Variants in SMYD3 observed in about 807,000 individuals in gnomAD.
SMYD3 encodes histone-lysine N-methyltransferase SMYD3.
In SMYD3, 36 loss-of-function variants were observed where a neutral mutation model predicts 57.7. The observed-to-expected ratio is 0.62, with a 90% confidence interval of 0.48 to 0.82. SMYD3 has a LOEUF of 0.82. Among genes scored for constraint, SMYD3 ranks in the 40% least tolerant of loss-of-function variants. The pLI is 0.00. For missense variants in SMYD3, 515 were observed against 538.8 expected, an observed-to-expected ratio of 0.96 and a Z score of 0.44; for synonymous variants, 211 against 195.0, an observed-to-expected ratio of 1.08 and a Z score of -0.68.
chr1:246,391,361 C>A (rs2066562840), intron 1 of SMYD3, among the ~76,000 whole-genome samples: 1 of 144,000 alleles, frequency 6.9e-6, no homozygotes, highest in Non-Finnish European at 1.5e-5. Flanking sequence ...GCCTGAGAAA[C>A]AAAGCGAGAC....
chr1:245,836,716 G>T (rs993913733), intron 10 of SMYD3, among the ~76,000 whole-genome samples: 1 of 152,154 alleles, frequency 6.6e-6, no homozygotes, highest in African/African-American at 2.4e-5. Context: ...TGGCAGCAGG[G>T]GACTGGTCCT....
rs1347708153 is a variant in SMYD3 at position 246,188,688 on chromosome 1, T to C, written c.531+138513A>G. ...TCTTTAAGAGGTCTGGGGCCAGGCG[T>C]GGTGGCTCATGCCTGTAATCCCAAC... is the stretch of plus-strand genomic sequence containing the variant. On this transcript the variant is annotated intron_variant, in intron 5 of 11. Transcript: ENST00000490107. Among the ~76,000 whole-genome samples the C allele has an allele frequency of 1.2e-4, 19 of 152,036 alleles. No homozygotes were observed. The South Asian group carries it at 3.4e-3, about 27-fold the overall frequency.
chr1:246,342,055 G>T (rs933731559), intron 2 of SMYD3, among the ~76,000 whole-genome samples: 1 of 152,130 alleles, frequency 6.6e-6, no homozygotes, highest in African/African-American at 2.4e-5. Context: ...GTCAAAATAG[G>T]TTTGAAACCT....
intron 10 of SMYD3, among the ~76,000 whole-genome samples, chr1:245,824,002 G>T (rs901092564): frequency 2.0e-5 from 3 of 152,196 alleles, no homozygotes; most frequent in Non-Finnish European, 4.4e-5. Context: ...GGACTCTTAA[G>T]GACCCAAAGG....
At chr1:245,891,601 C>T (rs1040493737) in intron 8 of SMYD3, among the ~76,000 whole-genome samples, 8 of 152,296 alleles carry the variant, frequency 5.3e-5, no homozygotes, top group Non-Finnish European at 8.8e-5. Flanking sequence ...ACAGCAATGT[C>T]GGGAACTGTA....
chr1:245,884,730 CCAATCA>C (rs2052984821), intron 8 of SMYD3, among the ~76,000 whole-genome samples: 2 of 151,446 alleles, frequency 1.3e-5, no homozygotes, highest in South Asian at 4.2e-4. Flanking sequence ...TGTAAATGCA[CCAATCA>C]GCACTCTGTA....
At chr1:245,875,116 C>T (rs1325846994) in intron 8 of SMYD3, among the ~76,000 whole-genome samples, 1 of 152,208 alleles carries the variant, frequency 6.6e-6, no homozygotes, top group African/African-American at 2.4e-5. Flanking sequence ...ATTTTTGATT[C>T]CAGTAAACTC....
At chr1:245,884,226 T>G (rs540779947) in intron 8 of SMYD3, among the ~76,000 whole-genome samples, 1 of 152,182 alleles carries the variant, frequency 6.6e-6, no homozygotes, top group Non-Finnish European at 1.5e-5. Context: ...CTGAAAACTA[T>G]AGGTCTCCCT....
intron 1 of SMYD3, among the ~76,000 whole-genome samples, chr1:246,498,346 C>T (rs921339210): frequency 1.3e-5 from 2 of 152,136 alleles, no homozygotes; most frequent in African/African-American, 2.4e-5. Flanking sequence ...GGAGCTATAA[C>T]GAATAAGGAA....
chr1:245,787,972 G>A (rs1187366726), intron 10 of SMYD3, among the ~76,000 whole-genome samples: 1 of 152,200 alleles, frequency 6.6e-6, no homozygotes, highest in African/African-American at 2.4e-5. Flanking sequence ...AAATCACTTA[G>A]TCCTGGGAAG....
intron 5 of SMYD3, among the ~76,000 whole-genome samples, chr1:246,249,901 T>A (rs913267813): frequency 1.3e-5 from 2 of 152,252 alleles, no homozygotes; most frequent in African/African-American, 4.8e-5. Flanking sequence ...TTTATCTCTT[T>A]TCTTCTAAGA....
intron 5 of SMYD3, among the ~76,000 whole-genome samples, chr1:245,960,189 C>T (rs947358912): frequency 7.2e-5 from 11 of 152,180 alleles, no homozygotes; most frequent in African/African-American, 2.7e-4. Flanking sequence ...ACTTAGAATT[C>T]ACTGAGTTAA....
At chr1:245,881,495 G>C (rs1393869198) in intron 8 of SMYD3, among the ~76,000 whole-genome samples, 1 of 152,136 alleles carries the variant, frequency 6.6e-6, no homozygotes, top group Non-Finnish European at 1.5e-5. Context: ...TCAGGTAATA[G>C]AGATTTTTGG....
chr1:246,444,838 T>C (rs994447088), intron 1 of SMYD3, among the ~76,000 whole-genome samples: 13 of 152,094 alleles, frequency 8.5e-5, no homozygotes, highest in African/African-American at 3.1e-4. Context: ...GTTCTAAGAA[T>C]AGAAGCAGAA....
intron 5 of SMYD3, among the ~76,000 whole-genome samples, chr1:246,017,301 G>A (rs114255065): frequency 0.034 from 5,099 of 152,058 alleles, 287 homozygotes; most frequent in African/African-American, 0.12. Context: ...TATTTCTTAT[G>A]CACAATGACA....
chr1:246,370,450 T>C (rs2066176046), intron 1 of SMYD3, among the ~76,000 whole-genome samples: 1 of 152,232 alleles, frequency 6.6e-6, no homozygotes, highest in Non-Finnish European at 1.5e-5. Flanking sequence ...TAAAAGGTTT[T>C]AGTAGTTTAG....
intron 5 of SMYD3, among the ~76,000 whole-genome samples, chr1:246,090,892 C>T (rs778873929): frequency 4.6e-5 from 7 of 152,036 alleles, no homozygotes; most frequent in South Asian, 2.1e-4. Context: ...TTTGCTGACG[C>T]GAAATGACGA....
intron 5 of SMYD3, among the ~76,000 whole-genome samples, chr1:245,938,221 A>G (rs2057061925): frequency 6.6e-6 from 1 of 152,216 alleles, no homozygotes; most frequent in Non-Finnish European, 1.5e-5. Context: ...ACATGACAGT[A>G]GCTGAAGTGT....
In SMYD3 at chr1:246,395,898, A is replaced by G. The variant is rs529365286; in HGVS notation, c.165-40804T>C. The stretch of plus-strand genomic sequence containing the variant: ...CTCTGCCACCACCTAGTGAATAAGA[A>G]CAAGAAAATCACATGGCAAGAGCCT... On this transcript the variant is annotated intron_variant, in intron 1 of 11. Transcript: ENST00000490107. Among the ~76,000 whole-genome samples the G allele has an allele frequency of 1.1e-4, 16 of 152,340 alleles. No homozygotes were observed. In the South Asian group the frequency reaches 3.3e-3, roughly 32 times the overall value.
Sources: allele counts gnomAD v4.1 joint callset (sites outside exome capture counted in the v4.1 genomes callset), GRCh38; gene constraint gnomAD v4.1.1; transcripts MANE v1.5; gene names NCBI Gene and HGNC (gene_info 2026-07-23, HGNC 2026-07-21).